Variants in CCSER1 observed in about 807,000 individuals in gnomAD.
CCSER1 encodes the protein serine-rich coiled-coil domain-containing protein 1.
A neutral mutation model predicts 82.0 loss-of-function variants in CCSER1; 41 were observed. That is an observed-to-expected ratio of 0.50 (90% CI 0.39 to 0.65). CCSER1 has a LOEUF of 0.65. Among genes scored for constraint, CCSER1 ranks in the 30% least tolerant of loss-of-function variants. CCSER1 has a pLI of 0.00. For missense variants in CCSER1, 1,119 were observed against 1,064.2 expected (o/e 1.05, Z -0.72); for synonymous variants, 414 against 383.9 (o/e 1.08, Z -0.92).
chr4:91,516,543 T>C (rs775002207), intron 10 of CCSER1, among the ~76,000 whole-genome samples: 61 of 152,184 alleles, frequency 4.0e-4, no homozygotes, highest in Non-Finnish European at 5.4e-4. Context: ...TTCAGGGTTT[T>C]TGATTCTGTT....
At chr4:90,616,847 C>A (rs983531440) in intron 5 of CCSER1, among the ~76,000 whole-genome samples, 1 of 152,034 alleles carries the variant, frequency 6.6e-6, no homozygotes, top group African/African-American at 2.4e-5. Context: ...ATCCTCTAAT[C>A]AGTATGTATT....
At chr4:90,341,938 T>A (rs1275736563) in intron 3 of CCSER1, among the ~76,000 whole-genome samples, 1 of 152,126 alleles carries the variant, frequency 6.6e-6, no homozygotes. Flanking sequence ...AAATATAAGC[T>A]TTAGAATGCA....
At chr4:90,819,467 G>A (rs185006674) in intron 8 of CCSER1, among the ~76,000 whole-genome samples, 208 of 152,112 alleles carry the variant, frequency 1.4e-3, no homozygotes, top group African/African-American at 3.6e-3. Flanking sequence ...TTAAATGCAC[G>A]TTTCAAAAAT....
At chr4:90,555,004 C>G (rs1194993488) in intron 5 of CCSER1, among the ~76,000 whole-genome samples, 3 of 152,044 alleles carry the variant, frequency 2.0e-5, no homozygotes, top group African/African-American at 7.2e-5. Flanking sequence ...TTTATATTCC[C>G]TTCTTTATTA....
intron 9 of CCSER1, among the ~76,000 whole-genome samples, chr4:91,023,420 C>T (rs1265334360): frequency 1.3e-5 from 2 of 152,154 alleles, no homozygotes; most frequent in Admixed American, 1.3e-4. Context: ...TACAAGGCTA[C>T]AGTAACCAAA....
intron 10 of CCSER1, among the ~76,000 whole-genome samples, chr4:91,323,154 C>T (rs1746307469): frequency 6.6e-6 from 1 of 152,090 alleles, no homozygotes; most frequent in Non-Finnish European, 1.5e-5. Context: ...AGATACCCAA[C>T]CAGGCTGGAA....
chr4:91,526,171 T>C (rs1760753679), intron 10 of CCSER1, among the ~76,000 whole-genome samples: 1 of 152,200 alleles, frequency 6.6e-6, no homozygotes, highest in Admixed American at 6.5e-5. Context: ...ATGTTCTCTC[T>C]GAAGCCTGCT....
At chr4:90,987,802 A>G (rs566281426) in intron 9 of CCSER1, among the ~76,000 whole-genome samples, 15 of 151,722 alleles carry the variant, frequency 9.9e-5, no homozygotes, top group Non-Finnish European at 2.2e-4. Context: ...CATTGTACCC[A>G]GAGGAAAAGC....
intron 1 of CCSER1, among the ~76,000 whole-genome samples, chr4:90,297,651 A>G (rs1311052860): frequency 6.6e-6 from 1 of 151,156 alleles, no homozygotes; most frequent in Non-Finnish European, 1.5e-5. Flanking sequence ...AGCTCTTATT[A>G]TTTTGAGATA....
intron 10 of CCSER1, among the ~76,000 whole-genome samples, chr4:91,091,219 C>T (rs758034839): frequency 6.6e-6 from 1 of 152,152 alleles, no homozygotes; most frequent in Admixed American, 6.5e-5. Flanking sequence ...TTCTTCTGTT[C>T]TGGCTAATAC....
intron 4 of CCSER1, among the ~76,000 whole-genome samples, chr4:90,463,946 C>A (rs769391584): frequency 6.6e-6 from 1 of 151,410 alleles, no homozygotes; most frequent in Non-Finnish European, 1.5e-5. Flanking sequence ...ATTAAAAAAA[C>A]GATAGAAATT....
chr4:90,795,287 CAAAAA>C (rs55780432), intron 7 of CCSER1, among the ~76,000 whole-genome samples: 3 of 127,600 alleles, frequency 2.4e-5, no homozygotes, highest in Admixed American at 8.0e-5. Context: ...AACTCTGTCT[CAAAAA>C]AAAAAAAAAA....
intron 10 of CCSER1, among the ~76,000 whole-genome samples, chr4:91,492,935 T>C (rs1374609726): frequency 6.6e-6 from 1 of 152,072 alleles, no homozygotes; most frequent in Non-Finnish European, 1.5e-5. Context: ...TTTTATGAAG[T>C]ATGACTAGAC....
chr4:91,445,469 G>A (rs547520883), intron 10 of CCSER1, among the ~76,000 whole-genome samples: 9 of 151,046 alleles, frequency 6.0e-5, no homozygotes, highest in Non-Finnish European at 8.8e-5. Flanking sequence ...TCTCCCAAGC[G>A]GTCACAGTGG....
rs1162632445 is a variant in CCSER1 at position 90,234,479 on chromosome 4, AG to A, written c.-41-73764del. On this transcript the variant is annotated intron_variant, in intron 1 of 10. Coordinates refer to ENST00000509176, the MANE Select transcript of CCSER1 (RefSeq NM_001145065.2). Reference sequence around the variant, plus strand: ...TGATCCGCCCGCCTTGGCCTCCCAAAGTGCTAGGATTACAGGCTTGAGCGAC... The same window carrying A: ...TGATCCGCCCGCCTTGGCCTCCCAAATGCTAGGATTACAGGCTTGAGCGAC... Among the ~76,000 whole-genome samples the A allele has an allele frequency of 6.6e-5, 10 of 152,238 alleles. No homozygotes were observed. In the South Asian group the frequency reaches 1.7e-3, roughly 25 times the overall value.
intron 1 of CCSER1, among the ~76,000 whole-genome samples, chr4:90,190,195 T>A (rs1735369420): frequency 6.6e-6 from 1 of 151,976 alleles, no homozygotes; most frequent in African/African-American, 2.4e-5. Context: ...ACCATCCAGC[T>A]CTGGGTCAGA....
intron 10 of CCSER1, among the ~76,000 whole-genome samples, chr4:91,584,492 A>C (rs1459064435): frequency 6.6e-6 from 1 of 151,486 alleles, no homozygotes; most frequent in Non-Finnish European, 1.5e-5. Flanking sequence ...GATCACTTTT[A>C]TATCAATAGA....
chr4:91,293,874 T>C (rs1743958433), intron 10 of CCSER1, among the ~76,000 whole-genome samples: 6 of 151,954 alleles, frequency 3.9e-5, no homozygotes, highest in Admixed American at 2.0e-4. Flanking sequence ...ACATTATATT[T>C]GTTTGATCTG....
chr4:90,859,326 A>G (rs1764803943), intron 8 of CCSER1, among the ~76,000 whole-genome samples: 1 of 151,908 alleles, frequency 6.6e-6, no homozygotes, highest in Admixed American at 6.6e-5. Context: ...TCCACTCAAT[A>G]TATGTATTTT....
Sources: gnomAD v4.1 joint callset for allele counts (sites outside exome capture counted in the v4.1 genomes callset) on GRCh38, gnomAD v4.1.1 for gene constraint, MANE v1.5 for transcripts, NCBI Gene and HGNC (gene_info 2026-07-23, HGNC 2026-07-21) for gene names.